SIPA1L2: variants seen among roughly 807,000 people sequenced by gnomAD.
SIPA1L2 encodes signal induced proliferation associated 1 like 2, also known as signal-induced proliferation-associated 1-like protein 2.
Under a neutral mutation model 163.9 loss-of-function variants are expected in SIPA1L2, and 56 were observed. The observed-to-expected ratio is 0.34, with a 90% CI of 0.28 to 0.43. The LOEUF (loss-of-function observed/expected upper bound fraction) is 0.43, where lower values mean the gene tolerates loss of function less well. Ranked by LOEUF, SIPA1L2 falls within the 20% of genes least tolerant of loss-of-function variation. The pLI is 1.00. For missense variants in SIPA1L2, 1,974 were observed against 2,193.5 expected (o/e 0.90, Z 2.00); for synonymous variants, 877 against 865.7 (o/e 1.01, Z -0.23).
At chr1:232,581,893 C>A (rs561408452) in intron 1 of SIPA1L2, among the ~76,000 whole-genome samples, 75 of 152,252 alleles carry the variant, frequency 4.9e-4, no homozygotes, top group Non-Finnish European at 8.8e-4. Context: ...AAGAGAAAAA[C>A]TGTTAAAGAA....
intron 10 of SIPA1L2, among the ~76,000 whole-genome samples, chr1:232,458,562 T>A (rs925510962): frequency 1.3e-5 from 2 of 152,232 alleles, no homozygotes; most frequent in Admixed American, 1.3e-4. Flanking sequence ...CAAGAAATGT[T>A]ATTTTTTAAC....
intron 17 of SIPA1L2, among the ~76,000 whole-genome samples, chr1:232,427,072 T>A (rs1661947749): frequency 6.6e-6 from 1 of 152,198 alleles, no homozygotes; most frequent in Admixed American, 6.5e-5. Context: ...TAAATTTACA[T>A]CATGAAAAGA....
intron 2 of SIPA1L2, among the ~76,000 whole-genome samples, chr1:232,518,581 G>A (rs1330699374): frequency 6.6e-6 from 1 of 152,082 alleles, no homozygotes; most frequent in Non-Finnish European, 1.5e-5. Flanking sequence ...CACTCTCCAG[G>A]CTTGTGTCCC....
At chr1:232,410,147 G>C (rs1362594043) in intron 19 of SIPA1L2, among the ~76,000 whole-genome samples, 2 of 151,942 alleles carry the variant, frequency 1.3e-5, no homozygotes, top group African/African-American at 4.8e-5. Context: ...GAGTACACTT[G>C]CTTAGTTTCT....
At chr1:232,522,314 C>T (rs1667492117) in intron 2 of SIPA1L2, among the ~76,000 whole-genome samples, 1 of 152,158 alleles carries the variant, frequency 6.6e-6, no homozygotes, top group Non-Finnish European at 1.5e-5. Flanking sequence ...TCCATGCTCC[C>T]ATGTGTTGAC....
intron 1 of SIPA1L2, among the ~76,000 whole-genome samples, chr1:232,621,366 C>T (rs1240208845): frequency 3.9e-5 from 6 of 152,128 alleles, no homozygotes; most frequent in African/African-American, 1.4e-4. Flanking sequence ...TAGTTCCCTC[C>T]CTCTCTCCCT....
intron 2 of SIPA1L2, among the ~76,000 whole-genome samples, chr1:232,533,599 A>G (rs908075049): frequency 3.9e-5 from 6 of 152,240 alleles, no homozygotes; most frequent in African/African-American, 9.6e-5. Flanking sequence ...AATAGGAGAG[A>G]TAACAGGCAA....
intron 3 of SIPA1L2, among the ~76,000 whole-genome samples, chr1:232,509,011 G>C (rs1027106405): frequency 1.3e-5 from 2 of 152,240 alleles, no homozygotes; most frequent in African/African-American, 4.8e-5. Flanking sequence ...AGAATTGCTT[G>C]AACCCGGGAG....
chr1:232,580,062 G>A (rs184630137), intron 1 of SIPA1L2, among the ~76,000 whole-genome samples: 56 of 152,332 alleles, frequency 3.7e-4, no homozygotes, highest in Admixed American at 1.6e-3. Flanking sequence ...GCTCAACTGA[G>A]TATACTTATA....
At chr1:232,505,862 A>C (rs1032574580) in intron 3 of SIPA1L2, among the ~76,000 whole-genome samples, 1 of 152,188 alleles carries the variant, frequency 6.6e-6, no homozygotes, top group African/African-American at 2.4e-5. Flanking sequence ...TACTATTGTT[A>C]GATGGCACTC....
intron 18 of SIPA1L2, among the ~76,000 whole-genome samples, chr1:232,419,382 G>GT (rs1431632125): frequency 1.3e-5 from 2 of 152,040 alleles, no homozygotes; most frequent in East Asian, 3.8e-4. Flanking sequence ...TTTTGTTTTT[G>GT]TTTTTTTGAG....
intron 18 of SIPA1L2, among the ~76,000 whole-genome samples, chr1:232,424,566 A>G (rs1453587751): frequency 6.6e-6 from 1 of 152,208 alleles, no homozygotes; most frequent in African/African-American, 2.4e-5. Context: ...ATATTAGGAA[A>G]GTGGCCTAGG....
intron 18 of SIPA1L2, among the ~76,000 whole-genome samples, chr1:232,421,910 T>C (rs1661598109): frequency 6.6e-6 from 1 of 152,232 alleles, no homozygotes; most frequent in South Asian, 2.1e-4. Context: ...TCCATTCTGA[T>C]AGGAAGATTT....
At chr1:232,512,671 A>C (rs1287569005) in intron 3 of SIPA1L2, among the ~76,000 whole-genome samples, 2 of 152,198 alleles carry the variant, frequency 1.3e-5, no homozygotes, top group African/African-American at 4.8e-5. Flanking sequence ...GGAGAGCTTT[A>C]GGACAAACAC....
At chr1:232,542,895 A>G (rs1657777427) in intron 2 of SIPA1L2, among the ~76,000 whole-genome samples, 1 of 152,202 alleles carries the variant, frequency 6.6e-6, no homozygotes, top group Admixed American at 6.5e-5. Context: ...AAGGCTATGA[A>G]TGGAACATGC....
At chr1:232,561,940 CAGAGGTAA>C in intron 2 of SIPA1L2, among the ~76,000 whole-genome samples, 1 of 152,280 alleles carries the variant, frequency 6.6e-6, no homozygotes, top group Non-Finnish European at 1.5e-5. Flanking sequence ...TTTCCAGGGC[CAGAGGTAA>C]AGAGGAGGCC....
intron 2 of SIPA1L2, among the ~76,000 whole-genome samples, chr1:232,562,498 A>C (rs1388744418): frequency 6.6e-6 from 1 of 152,234 alleles, no homozygotes; most frequent in Non-Finnish European, 1.5e-5. Context: ...AAGGAAGAAA[A>C]GAATCATAAA....
intron 3 of SIPA1L2, among the ~76,000 whole-genome samples, chr1:232,501,050 ATTTTTTTTTT>A (rs60008360): frequency 1.1e-4 from 9 of 78,442 alleles, no homozygotes; most frequent in African/African-American, 3.4e-4. Context: ...GCAATGAAGT[ATTTTTTTTTT>A]TTTTTTTTTT....
intron 5 of SIPA1L2, among the ~76,000 whole-genome samples, chr1:232,487,604 T>C (rs897453092): frequency 1.3e-5 from 2 of 152,188 alleles, no homozygotes; most frequent in Admixed American, 6.5e-5. Flanking sequence ...AGTTTACCTA[T>C]TAAATACATT....
Sources: allele counts gnomAD v4.1 joint callset (sites outside exome capture counted in the v4.1 genomes callset), GRCh38; gene constraint gnomAD v4.1.1; transcripts MANE v1.5; gene names NCBI Gene and HGNC (gene_info 2026-07-23, HGNC 2026-07-21).